Variants in PTPRN2 observed in about 807,000 individuals in gnomAD.
PTPRN2 encodes protein tyrosine phosphatase receptor type N2, also known as receptor-type tyrosine-protein phosphatase N2.
A neutral mutation model predicts 118.8 loss-of-function variants in PTPRN2; 74 were observed. The observed-to-expected ratio is 0.62, with a 90% CI of 0.52 to 0.76. The LOEUF is 0.76. Among genes scored for constraint, PTPRN2 ranks in the 30% least tolerant of loss-of-function variants. The pLI is 0.00. For synonymous variants in PTPRN2, 641 were observed against 608.0 expected (o/e 1.05, Z -0.80); for missense variants, 1,481 against 1,394.4 (o/e 1.06, Z -0.99).
At chr7:158,489,654 G>A (rs1821293011) in intron 2 of PTPRN2, 81 bp downstream of exon 2, 3 of 1,415,842 alleles carry the variant, frequency 2.1e-6, no homozygotes, top group Non-Finnish European at 2.8e-6. Context: ...GGCCAGCGGC[G>A]GGGCTCACCA....
chr7:157,772,292 C>CAT (rs1802909580), intron 12 of PTPRN2, among the ~76,000 whole-genome samples: 8 of 151,056 alleles, frequency 5.3e-5, no homozygotes, highest in Non-Finnish European at 1.5e-5. Context: ...GACACACAAA[C>CAT]ACACAGACAT....
At chr7:158,329,839 C>A (rs1319227976) in intron 2 of PTPRN2, among the ~76,000 whole-genome samples, 2 of 152,154 alleles carry the variant, frequency 1.3e-5, no homozygotes, top group Non-Finnish European at 2.9e-5. Flanking sequence ...TCTACGGAGA[C>A]TCACTTTCAC....
rs961736909 is a variant in PTPRN2 at position 157,904,000 on chromosome 7, G to A, written c.1724-5263C>T. On this transcript the variant is annotated intron_variant, in intron 11 of 22. Transcript: ENST00000389418. The surrounding 1 kb of genome is among the most constrained non-coding windows in gnomAD (Gnocchi z 4.2). ...CTGTTTTGCTGCATGTCTCATGGCC[G>A]GGCCACTGTCACTTCCTAAGGAGAA... 7.2e-5 allele frequency among the ~76,000 whole-genome samples: 11 copies of A among 152,202 alleles called. No homozygotes were observed. Among genetic ancestry groups the A allele is most frequent in the South Asian group, 2.1e-4 (1 of 4,822 alleles).
chr7:157,842,090 A>T (rs2151185680), intron 12 of PTPRN2, among the ~76,000 whole-genome samples: 1 of 152,310 alleles, frequency 6.6e-6, no homozygotes, highest in Non-Finnish European at 1.5e-5. Flanking sequence ...CTGTCAGAGC[A>T]CTGGAACCAT....
chr7:158,460,642 T>C (rs1452082661), intron 2 of PTPRN2, among the ~76,000 whole-genome samples: 1 of 152,190 alleles, frequency 6.6e-6, no homozygotes, highest in Admixed American at 6.5e-5. Flanking sequence ...CATCCAGCTG[T>C]CCGGAAATGA....
At chr7:158,321,124 T>G (rs903815068) in intron 2 of PTPRN2, among the ~76,000 whole-genome samples, 1 of 151,866 alleles carries the variant, frequency 6.6e-6, no homozygotes, top group African/African-American at 2.4e-5. Context: ...CCAGGGGTGA[T>G]CTACACAGCA....
chr7:158,112,240 C>T (rs561194507), intron 9 of PTPRN2, among the ~76,000 whole-genome samples: 3 of 152,290 alleles, frequency 2.0e-5, no homozygotes, highest in African/African-American at 7.2e-5. Flanking sequence ...AAGTGGCATG[C>T]AGGGCTGTGG....
chr7:158,020,446 G>A (rs773330083), intron 11 of PTPRN2, among the ~76,000 whole-genome samples: 4 of 152,174 alleles, frequency 2.6e-5, no homozygotes, highest in Admixed American at 6.5e-5. Context: ...TGCGGGGAAC[G>A]TGAGGGACAA....
intron 11 of PTPRN2, chr7:158,028,918 G>A (rs576074557): frequency 8.5e-5 from 13 of 152,500 alleles, no homozygotes; most frequent in African/African-American, 3.1e-4. Flanking sequence ...GTCTCTGAAA[G>A]GGCGGGGACC....
chr7:158,468,889 CTGGT>C (rs1819580298), intron 2 of PTPRN2, among the ~76,000 whole-genome samples: 9 of 150,476 alleles, frequency 6.0e-5, no homozygotes, highest in East Asian at 4.0e-4. Context: ...ACACACACTC[CTGGT>C]CAATCAACAG....
At chr7:158,304,885 G>A (rs909291066) in intron 3 of PTPRN2, among the ~76,000 whole-genome samples, 2 of 152,210 alleles carry the variant, frequency 1.3e-5, no homozygotes, top group Non-Finnish European at 2.9e-5. Context: ...GACCTGGAAA[G>A]GAAAAGGGAT....
chr7:158,323,833 C>T (rs143623241), intron 2 of PTPRN2, among the ~76,000 whole-genome samples: 1,663 of 152,290 alleles, frequency 0.011, 38 homozygotes, highest in African/African-American at 0.038. Context: ...TTACACCACA[C>T]GTGTGTACAC....
chr7:157,729,760 G>C lies in PTPRN2; in HGVS notation c.1789-46823C>G, dbSNP rs1438389813. Among the ~76,000 whole-genome samples, 1 of 152,174 alleles carries C rather than the reference G, an allele frequency of 6.6e-6. No individual in the cohort carries two copies. Among genetic ancestry groups the C allele is most frequent in the Admixed American group, 6.5e-5 (1 of 15,282 alleles). ...CTGAGGTCTCACGCCTGGCAGAGAT[G>C]GTGCCCAGGTAGTGACTGCACCACA... is the stretch of plus-strand genomic sequence containing the variant. On this transcript the variant is annotated intron_variant, in intron 12 of 22. Transcript: ENST00000389418. The surrounding 1 kb of genome is among the most constrained non-coding windows in gnomAD (Gnocchi z 4.3).
chr7:157,897,532 G>T (rs1446044762), intron 12 of PTPRN2, among the ~76,000 whole-genome samples: 2 of 152,160 alleles, frequency 1.3e-5, no homozygotes, highest in African/African-American at 4.8e-5. Context: ...CCAAGAACAG[G>T]AGCACCTGTC....
intron 13 of PTPRN2, chr7:157,669,651 A>G: frequency 2.5e-6 from 1 of 393,278 alleles, no homozygotes; most frequent in Non-Finnish European, 5.1e-6. Context: ...CCCATTTCGC[A>G]AGATGTTTTC....
chr7:158,300,732 T>C (rs565482890), intron 3 of PTPRN2, among the ~76,000 whole-genome samples: 22 of 152,192 alleles, frequency 1.4e-4, no homozygotes, highest in African/African-American at 5.1e-4. Context: ...CCCACTCACA[T>C]TGCTTTCCCA....
intron 11 of PTPRN2, among the ~76,000 whole-genome samples, chr7:157,927,725 C>T (rs997300734): frequency 3.3e-5 from 5 of 152,016 alleles, no homozygotes; most frequent in Middle Eastern, 3.4e-3. Flanking sequence ...AGGAGGGAAG[C>T]GAGGTTTTAT....
intron 6 of PTPRN2, among the ~76,000 whole-genome samples, chr7:158,158,346 T>C (rs1822026383): frequency 6.6e-6 from 1 of 151,834 alleles, no homozygotes; most frequent in Non-Finnish European, 1.5e-5. Flanking sequence ...TCTGTGAGGG[T>C]TTTCAGGCTG....
At chr7:157,916,085 T>C (rs1261899417) in intron 11 of PTPRN2, among the ~76,000 whole-genome samples, 1 of 152,226 alleles carries the variant, frequency 6.6e-6, no homozygotes, top group Non-Finnish European at 1.5e-5. Context: ...GTATATAAAA[T>C]TGCTAATTAT....
Sources: allele counts gnomAD v4.1 joint callset (sites outside exome capture counted in the v4.1 genomes callset), GRCh38; gene constraint gnomAD v4.1.1; non-coding constraint Gnocchi (gnomAD v3.1); transcripts MANE v1.5; gene names NCBI Gene and HGNC (gene_info 2026-07-23, HGNC 2026-07-21).